Variants in INSC observed in about 807,000 individuals in gnomAD.
INSC encodes the protein INSC spindle orientation adaptor protein.
Under a neutral mutation model 58.6 loss-of-function variants are expected in INSC, and 67 were observed. The ratio of observed to expected loss-of-function variants is 1.14; its 90% CI spans 0.94 to 1.40. The LOEUF (loss-of-function observed/expected upper bound fraction) is 1.40. Among genes scored for constraint, INSC ranks in the 40% most tolerant of loss-of-function variants. The pLI is 0.00. For missense variants in INSC, 714 were observed against 692.0 expected (o/e 1.03, Z -0.36); for synonymous variants, 262 against 276.1 (o/e 0.95, Z 0.51).
intron 1 of INSC, among the ~76,000 whole-genome samples, chr11:15,123,890 T>C (rs1847929057): frequency 6.6e-6 from 1 of 152,166 alleles, no homozygotes; most frequent in Non-Finnish European, 1.5e-5. Context: ...GCTGTCAACC[T>C]CCTTCCTACC....
At chr11:15,195,466 G>C (rs1048265310) in intron 6 of INSC, among the ~76,000 whole-genome samples, 1 of 152,136 alleles carries the variant, frequency 6.6e-6, no homozygotes, top group Non-Finnish European at 1.5e-5. Flanking sequence ...AGGAAACTTT[G>C]CTTGGCAAGA....
chr11:15,151,503 G>A (rs995841214), intron 2 of INSC, among the ~76,000 whole-genome samples: 1 of 152,156 alleles, frequency 6.6e-6, no homozygotes, highest in African/African-American at 2.4e-5. Flanking sequence ...TGGAAGTGAA[G>A]GGGGTCAGAG....
chr11:15,192,222 T>C (rs558994787), intron 6 of INSC, among the ~76,000 whole-genome samples: 1 of 152,332 alleles, frequency 6.6e-6, no homozygotes, highest in South Asian at 2.1e-4. Context: ...TCCTACATTC[T>C]GGCCATGGGC....
At chr11:15,175,143 G>T (rs939688566) in intron 2 of INSC, among the ~76,000 whole-genome samples, 1 of 152,146 alleles carries the variant, frequency 6.6e-6, no homozygotes, top group Non-Finnish European at 1.5e-5. Flanking sequence ...TACTCCTTAA[G>T]AGCCTTTAGC....
chr11:15,132,465 T>A (rs1403469091), intron 1 of INSC, among the ~76,000 whole-genome samples: 1 of 152,098 alleles, frequency 6.6e-6, no homozygotes, highest in Non-Finnish European at 1.5e-5. Flanking sequence ...TTTTAAATTT[T>A]TGTAGAGATG....
intron 7 of INSC, among the ~76,000 whole-genome samples, chr11:15,210,519 G>GTGTGTGTGTC (rs1850981504): frequency 6.6e-6 from 1 of 150,376 alleles, no homozygotes; most frequent in African/African-American, 2.5e-5. Context: ...GTGTGTGTGT[G>GTGTGTGTGTC]TGTGTGTGTG....
At chr11:15,225,949 T>G in intron 9 of INSC, 121 bp downstream of exon 9, 1 of 909,606 alleles carries the variant, frequency 1.1e-6, no homozygotes, top group Non-Finnish European at 1.6e-6. Flanking sequence ...TTTTGCATGC[T>G]GTAGGAGGGC....
intron 7 of INSC, among the ~76,000 whole-genome samples, chr11:15,204,353 G>T (rs926551345): frequency 3.3e-5 from 5 of 152,242 alleles, no homozygotes; most frequent in African/African-American, 4.8e-5. Context: ...GTTAACAATT[G>T]TGCAGACCCA....
At chr11:15,124,764 C>A (rs1214819666) in intron 1 of INSC, among the ~76,000 whole-genome samples, 1 of 152,122 alleles carries the variant, frequency 6.6e-6, no homozygotes, top group South Asian at 2.1e-4. Context: ...TGGCGGCTGA[C>A]AGGGCTGGAA....
In INSC at chr11:15,191,664, A is replaced by G. The variant is rs1157438804; in HGVS notation, c.693+850A>G. ...CACATCACTTAATGCTGCTGCCATAACAACCTATACCCCATAATAATTAGC... is the reference window on the plus strand; with the variant it reads ...CACATCACTTAATGCTGCTGCCATAGCAACCTATACCCCATAATAATTAGC... On this transcript the variant is annotated intron_variant, in intron 6 of 12. Coordinates refer to ENST00000379556, the MANE Select transcript of INSC (RefSeq NM_001042536.3). Among the ~76,000 whole-genome samples, 3 of 152,212 alleles carry G rather than the reference A, an allele frequency of 2.0e-5. No homozygotes were observed. In the East Asian group the frequency reaches 5.8e-4, roughly 29 times the overall value.
At chr11:15,241,100 C>T (rs7938910) in intron 12 of INSC, among the ~76,000 whole-genome samples, 226 of 152,240 alleles carry the variant, frequency 1.5e-3, no homozygotes, top group African/African-American at 5.1e-3. Flanking sequence ...CTTCTTTTTG[C>T]TAGGGGTCCA....
intron 7 of INSC, among the ~76,000 whole-genome samples, chr11:15,211,042 G>A (rs1248591692): frequency 2.6e-5 from 4 of 152,192 alleles, no homozygotes. Flanking sequence ...ACAGGGAGAA[G>A]GAAGGAGGAT....
chr11:15,124,603 G>T (rs1359055223), intron 1 of INSC, among the ~76,000 whole-genome samples: 1 of 152,124 alleles, frequency 6.6e-6, no homozygotes, highest in Non-Finnish European at 1.5e-5. Flanking sequence ...AGAGGCTGGG[G>T]GAGGGTGGGA....
At chr11:15,169,376 T>C (rs1849312212) in intron 2 of INSC, among the ~76,000 whole-genome samples, 1 of 152,190 alleles carries the variant, frequency 6.6e-6, no homozygotes, top group African/African-American at 2.4e-5. Context: ...TTCTTTCCAC[T>C]TCCCAGTTCT....
chr11:15,134,736 C>T (rs1848202393), intron 1 of INSC, among the ~76,000 whole-genome samples: 1 of 152,166 alleles, frequency 6.6e-6, no homozygotes, highest in African/African-American at 2.4e-5. Flanking sequence ...ATATTAGTGG[C>T]TTAACATGTT....
chr11:15,138,919 G>T (rs959147342), intron 1 of INSC, among the ~76,000 whole-genome samples: 1 of 152,114 alleles, frequency 6.6e-6, no homozygotes, highest in Non-Finnish European at 1.5e-5. Flanking sequence ...ACCTCACCAG[G>T]CTACCTTCAA....
At chr11:15,131,796 T>C (rs1047565302) in intron 1 of INSC, among the ~76,000 whole-genome samples, 7 of 152,182 alleles carry the variant, frequency 4.6e-5, no homozygotes, top group African/African-American at 1.7e-4. Context: ...ATGGTATATC[T>C]TTTGTGGCCT....
chr11:15,268,099 T>C, the INSC span, among the ~76,000 whole-genome samples: 4 of 152,142 alleles, frequency 2.6e-5, no homozygotes, highest in South Asian at 6.2e-4. Context: ...GGTTGTCAGA[T>C]GGTACAATCA....
intron 9 of INSC, among the ~76,000 whole-genome samples, chr11:15,228,560 G>A (rs894930000): frequency 2.6e-5 from 4 of 152,176 alleles, no homozygotes; most frequent in African/African-American, 9.7e-5. Flanking sequence ...TGCAGTGGGA[G>A]GATTAAGGTG....
Sources: allele counts gnomAD v4.1 joint callset (sites outside exome capture counted in the v4.1 genomes callset), GRCh38; gene constraint gnomAD v4.1.1; transcripts MANE v1.5; gene names NCBI Gene and HGNC (gene_info 2026-07-23, HGNC 2026-07-21).